BCAS3: variants seen among roughly 807,000 people sequenced by gnomAD.
BCAS3 encodes BCAS4/BCAS3 fusion.
Under a neutral mutation model 116.1 loss-of-function variants are expected in BCAS3, and 53 were observed. The observed-to-expected ratio is 0.46, with a 90% CI of 0.37 to 0.57. The LOEUF is 0.57. Ranked by LOEUF, BCAS3 falls within the 20% of genes least tolerant of loss-of-function variation. BCAS3 has a pLI of 0.00. For synonymous variants in BCAS3, 391 were observed against 408.2 expected, an observed-to-expected ratio of 0.96 and a Z score of 0.51; for missense variants, 917 against 1,165.4, an observed-to-expected ratio of 0.79 and a Z score of 3.10.
intron 8 of BCAS3, among the ~76,000 whole-genome samples, chr17:60,874,036 G>A (rs567039743): frequency 3.3e-5 from 5 of 151,758 alleles, no homozygotes; most frequent in South Asian, 2.1e-4. Context: ...AGACTTATTC[G>A]ATTCAAAAAT....
At chr17:61,292,300 T>G (rs1017793256) in intron 22 of BCAS3, among the ~76,000 whole-genome samples, 15 of 152,164 alleles carry the variant, frequency 9.9e-5, no homozygotes, top group Non-Finnish European at 5.9e-5. Context: ...TTCTTTTTTA[T>G]TCCAGGTAGT....
chr17:60,968,363 G>A (rs1034353158), intron 14 of BCAS3, among the ~76,000 whole-genome samples: 1 of 151,958 alleles, frequency 6.6e-6, no homozygotes, highest in Admixed American at 6.6e-5. Flanking sequence ...CTACAGGCAC[G>A]TGACACCATA....
At chr17:60,829,726 A>G (rs1335380156) in intron 7 of BCAS3, among the ~76,000 whole-genome samples, 1 of 152,090 alleles carries the variant, frequency 6.6e-6, no homozygotes, top group East Asian at 1.9e-4. Context: ...ATCTTCTTAT[A>G]TCTTGTTAGA....
chr17:60,714,189 A>G (rs2038279957), intron 5 of BCAS3, among the ~76,000 whole-genome samples: 1 of 152,062 alleles, frequency 6.6e-6, no homozygotes, highest in Non-Finnish European at 1.5e-5. Context: ...ATTGGTCTTG[A>G]ACTCCTGGCC....
At chr17:61,187,775 T>G (rs1184934693) in intron 22 of BCAS3, among the ~76,000 whole-genome samples, 2 of 152,086 alleles carry the variant, frequency 1.3e-5, no homozygotes, top group Non-Finnish European at 2.9e-5. Flanking sequence ...AGGTTAAGAG[T>G]GGATGGGGTC....
chr17:61,209,182 G>GA lies in BCAS3; in HGVS notation c.2425+124633dup, dbSNP rs11296492. Among the ~76,000 whole-genome samples, 1,182 of 140,876 alleles carry GA rather than the reference G, an allele frequency of 8.4e-3. 12 individuals are homozygous for GA. Among genetic ancestry groups the GA allele is most frequent in the African/African-American group, 0.029 (1,110 of 37,750 alleles). The allele number at this position is 140,876 out of a possible 152,430, so 92.4% of individuals were successfully genotyped here. On this transcript the variant is annotated intron_variant, in intron 22 of 23. Transcript: ENST00000407086. ...AGGCCACCCCGAAACAACAGCTAGT[G>GA]AAAAAAAAAAAAAAATCTTGTTCTG...
intron 6 of BCAS3, among the ~76,000 whole-genome samples, chr17:60,792,857 C>T (rs970536318): frequency 6.6e-6 from 1 of 152,172 alleles, no homozygotes; most frequent in African/African-American, 2.4e-5. Flanking sequence ...TACCCAGTCT[C>T]AGGTATACTG....
intron 22 of BCAS3, among the ~76,000 whole-genome samples, chr17:61,288,272 G>A (rs2052029638): frequency 1.3e-5 from 2 of 152,206 alleles, no homozygotes; most frequent in Non-Finnish European, 1.5e-5. Context: ...TTGTGACCTT[G>A]ACTTGTCATC....
At chr17:60,887,844 G>T (rs1039595635) in intron 9 of BCAS3, among the ~76,000 whole-genome samples, 6 of 152,132 alleles carry the variant, frequency 3.9e-5, no homozygotes, top group Admixed American at 2.6e-4. Context: ...CATCATGCTT[G>T]TGTACCTTCT....
In BCAS3 at chr17:61,095,855, A is replaced by G. The variant is rs1265622451; in HGVS notation, c.2425+11291A>G. 6.6e-6 allele frequency among the ~76,000 whole-genome samples: 1 copy of G among 151,926 alleles called. No individual in the cohort carries two copies. Among genetic ancestry groups the G allele is most frequent in the Non-Finnish European group, 1.5e-5 (1 of 67,966 alleles). ...TATGCATATTCTCGTACACACACAC[A>G]CACACACACACACACACATTAAATT... On this transcript the variant is annotated intron_variant, in intron 22 of 23. Transcript: ENST00000407086. This position sits in a 1 kb window ranked among gnomAD's most constrained non-coding sequence, Gnocchi z 4.7.
chr17:61,120,199 A>G (rs1312787383), intron 22 of BCAS3, among the ~76,000 whole-genome samples: 1 of 152,140 alleles, frequency 6.6e-6, no homozygotes, highest in Non-Finnish European at 1.5e-5. Context: ...GACAATAAGT[A>G]GGAATTTCAC....
chr17:60,857,895 G>A (rs1478184425), intron 7 of BCAS3, among the ~76,000 whole-genome samples: 1 of 152,048 alleles, frequency 6.6e-6, no homozygotes, highest in Non-Finnish European at 1.5e-5. Flanking sequence ...TATAAACTGA[G>A]CTTTCGTAAC....
At chr17:60,727,991 T>G (rs923200086) in intron 5 of BCAS3, among the ~76,000 whole-genome samples, 4 of 151,930 alleles carry the variant, frequency 2.6e-5, no homozygotes, top group Non-Finnish European at 4.4e-5. Context: ...TATTTTTTTG[T>G]AGAGATGGGG....
rs572856236 is a variant in BCAS3, at chr17:61,229,835, A to G, written c.2426-138492A>G. Among the ~76,000 whole-genome samples, 6 of 152,288 alleles carry G rather than the reference A, an allele frequency of 3.9e-5. No homozygotes were observed. In the East Asian group the frequency reaches 1.2e-3, roughly 29 times the overall value. On this transcript the variant is annotated intron_variant, in intron 22 of 23. Coordinates refer to ENST00000407086, the MANE Select transcript of BCAS3 (RefSeq NM_017679.5). This position sits in a 1 kb window ranked among gnomAD's most constrained non-coding sequence, Gnocchi z 4.4. ...TAGGCTTTTATCTTCGAATTATAAG[A>G]TAGTGTTGGCTGGGCGCGATGGCTT...
intron 6 of BCAS3, among the ~76,000 whole-genome samples, chr17:60,770,164 T>C (rs1049022698): frequency 1.3e-5 from 2 of 152,136 alleles, no homozygotes; most frequent in Non-Finnish European, 2.9e-5. Flanking sequence ...GCAATGCTTC[T>C]GTGCAGTCTG....
intron 15 of BCAS3, chr17:61,003,933 C>T (rs1045020554): frequency 3.3e-5 from 5 of 152,044 alleles, no homozygotes; most frequent in African/African-American, 4.8e-5. Context: ...AGTCACTATC[C>T]GTAGGTCTTT....
intron 22 of BCAS3, among the ~76,000 whole-genome samples, chr17:61,142,544 A>G (rs2076980889): frequency 6.6e-6 from 1 of 152,178 alleles, no homozygotes; most frequent in African/African-American, 2.4e-5. Flanking sequence ...TAGCATTAGT[A>G]ACAACATTCT....
chr17:61,170,264 A>G (rs2078760237), intron 22 of BCAS3, among the ~76,000 whole-genome samples: 1 of 150,812 alleles, frequency 6.6e-6, no homozygotes, highest in Middle Eastern at 3.2e-3. Context: ...GAACAATGAT[A>G]TGATGTAATG....
chr17:60,820,865 G>T (rs531589738), intron 7 of BCAS3, among the ~76,000 whole-genome samples: 2 of 152,188 alleles, frequency 1.3e-5, no homozygotes, highest in Non-Finnish European at 2.9e-5. Flanking sequence ...TCTACATTCA[G>T]TTGATCTAAT....
Sources: allele counts gnomAD v4.1 joint callset (sites outside exome capture counted in the v4.1 genomes callset), GRCh38; gene constraint gnomAD v4.1.1; non-coding constraint Gnocchi (gnomAD v3.1); transcripts MANE v1.5; gene names NCBI Gene and HGNC (gene_info 2026-07-23, HGNC 2026-07-21).